UBE2Q2: variants seen among roughly 807,000 people sequenced by gnomAD.
The protein encoded by UBE2Q2 is ubiquitin conjugating enzyme E2 Q2.
Under a neutral mutation model 59.9 loss-of-function variants are expected in UBE2Q2, and 54 were observed. That is an observed-to-expected ratio of 0.90 (90% CI 0.72 to 1.13). The LOEUF (loss-of-function observed/expected upper bound fraction) is 1.13. UBE2Q2 is among the 50% of genes most tolerant of loss of function. UBE2Q2 has a pLI of 0.00. For missense variants in UBE2Q2, 433 were observed against 441.9 expected (o/e 0.98, Z 0.18); for synonymous variants, 165 against 155.2 (o/e 1.06, Z -0.47).
At chr15:75,861,325 G>C (rs1897199384) in intron 3 of UBE2Q2, among the ~76,000 whole-genome samples, 2 of 152,190 alleles carry the variant, frequency 1.3e-5, no homozygotes. Context: ...ACCAGTCGTG[G>C]TGGTGAAGCC....
In UBE2Q2 at chr15:75,883,281, T is replaced by G. The variant is rs1032583531; in HGVS notation, c.826-85T>G. On this transcript the variant is annotated intron_variant, in intron 8 of 12. Transcript: ENST00000267938. Reference sequence around the variant, plus strand: ...TATCTGATAATAAATGTACACATTCTTTATAGTATCTTTTAAAATCTTCTA... The same window carrying G: ...TATCTGATAATAAATGTACACATTCGTTATAGTATCTTTTAAAATCTTCTA... 4.0e-6 allele frequency: 5 copies of G among 1,262,380 alleles called. No individual in the cohort carries two copies. The African/African-American group carries it at 7.6e-5, about 19-fold the overall frequency. 78.2% of individuals were successfully genotyped at this position (1,262,380 alleles called of 1,614,324 possible). A position where few individuals can be genotyped will look rare whatever the true frequency, so the allele number is the denominator to read the frequency against.
intron 9 of UBE2Q2, among the ~76,000 whole-genome samples, chr15:75,886,834 G>T (rs376318809): frequency 6.6e-6 from 1 of 151,808 alleles, no homozygotes; most frequent in African/African-American, 2.4e-5. Context: ...TTGCAGTCCA[G>T]CCTGGGCAAT....
chr15:75,859,080 T>C (rs1193207530), intron 2 of UBE2Q2, among the ~76,000 whole-genome samples: 1 of 152,246 alleles, frequency 6.6e-6, no homozygotes, highest in Non-Finnish European at 1.5e-5. Flanking sequence ...AGTCACGTTA[T>C]ACATTGAAAA....
intron 8 of UBE2Q2, among the ~76,000 whole-genome samples, chr15:75,880,483 G>A (rs1365922922): frequency 1.4e-5 from 2 of 145,002 alleles, no homozygotes. Flanking sequence ...AAATGTTAAT[G>A]ATTTTTTTTT....
At chr15:75,864,662 A>G (rs1897366781) in intron 3 of UBE2Q2, among the ~76,000 whole-genome samples, 1 of 150,262 alleles carries the variant, frequency 6.7e-6, no homozygotes. Context: ...GTTGCATCAT[A>G]TTCACATGTG....
At chr15:75,850,726 G>A (rs1455819509) in intron 1 of UBE2Q2, among the ~76,000 whole-genome samples, 1 of 152,188 alleles carries the variant, frequency 6.6e-6, no homozygotes, top group Admixed American at 6.5e-5. Context: ...AAGGAAAGTG[G>A]AGGGGAAGGC....
At chr15:75,873,393 G>A in intron 4 of UBE2Q2, 35 bp from the exon 5 acceptor site, 4 of 1,554,346 alleles carry the variant, frequency 2.6e-6, no homozygotes, top group Non-Finnish European at 3.5e-6. Flanking sequence ...AAGAAAAATA[G>A]GTTGAATAAG....
At chr15:75,872,502 TA>T (rs1035686957) in intron 4 of UBE2Q2, among the ~76,000 whole-genome samples, 23 of 151,476 alleles carry the variant, frequency 1.5e-4, no homozygotes, top group African/African-American at 5.1e-4. Context: ...GATATTGGTC[TA>T]GGGGTATTCA....
chr15:75,881,235 CTTTTTTTTT>C (rs111487358), intron 8 of UBE2Q2, among the ~76,000 whole-genome samples: 2 of 146,622 alleles, frequency 1.4e-5, no homozygotes, highest in East Asian at 2.0e-4. Context: ...GAAATAGAAC[CTTTTTTTTT>C]TTTATCCGTC....
chr15:75,891,728 T>C (rs1899119650), intron 11 of UBE2Q2, among the ~76,000 whole-genome samples: 1 of 152,196 alleles, frequency 6.6e-6, no homozygotes, highest in Non-Finnish European at 1.5e-5. Context: ...GCTGGTTTTC[T>C]TTTCAGTTAA....
At chr15:75,874,096 C>A (rs1897942458) in intron 5 of UBE2Q2, among the ~76,000 whole-genome samples, 1 of 152,112 alleles carries the variant, frequency 6.6e-6, no homozygotes, top group African/African-American at 2.4e-5. Flanking sequence ...ACCTGCTGAT[C>A]CCTGTATTTG....
At chr15:75,857,325 T>G (rs1483373957) in intron 2 of UBE2Q2, among the ~76,000 whole-genome samples, 2 of 152,226 alleles carry the variant, frequency 1.3e-5, no homozygotes, top group African/African-American at 4.8e-5. Flanking sequence ...AAAAATGAGT[T>G]ATTTTTCAGT....
Position 75,890,455 on chromosome 15 carries a change from C to T in UBE2Q2, c.905C>T (p.Ala302Val). Residue 302 changes from alanine (A) to valine (V), a missense_variant, in exon 10 of 13, where the codon GCA (alanine) becomes GTA (valine). Ala to Val is a moderately conservative substitution (Grantham distance 64). Coordinates refer to ENST00000267938, the MANE Select transcript of UBE2Q2 (RefSeq NM_173469.4). ...LSGGYVLGGG[A>V]LCMELLTKQG... ...TTAAGGTATGTATTGGGTGGAGGAGCATTATGTATGGAACTTCTCACAAAA... is the reference window on the plus strand; with the variant it reads ...TTAAGGTATGTATTGGGTGGAGGAGTATTATGTATGGAACTTCTCACAAAA... 1 of 1,606,796 alleles carries T rather than the reference C, an allele frequency of 6.2e-7. No individual in the cohort carries two copies. Among genetic ancestry groups the T allele is most frequent in the Non-Finnish European group, 8.5e-7 (1 of 1,178,426 alleles).
chr15:75,864,714 T>C (rs1364359475), intron 3 of UBE2Q2, among the ~76,000 whole-genome samples: 1 of 152,214 alleles, frequency 6.6e-6, no homozygotes, highest in African/African-American at 2.4e-5. Flanking sequence ...TTTATCTTGA[T>C]TACTTATCAG....
chr15:75,843,968 C>G, intron 1 of UBE2Q2, 122 bp downstream of exon 1: 1 of 1,405,974 alleles, frequency 7.1e-7, no homozygotes, highest in Non-Finnish European at 9.2e-7. Context: ...GGCAGGCCCG[C>G]CCCTTTCCCC....
intron 3 of UBE2Q2, among the ~76,000 whole-genome samples, chr15:75,867,023 C>A (rs1294544599): frequency 6.6e-6 from 1 of 152,152 alleles, no homozygotes; most frequent in East Asian, 1.9e-4. Flanking sequence ...TACCCTTGAT[C>A]AGTATCCATT....
rs147783876 is a variant in UBE2Q2, at chr15:75,894,241, C to G, written c.1030-2754C>G. Among the ~76,000 whole-genome samples, 1,233 of 152,184 alleles carry G rather than the reference C, an allele frequency of 8.1e-3. 7 individuals are homozygous for G. The highest frequency in any genetic ancestry group is 0.031 in the Middle Eastern group (9 of 294). ...CATTAAGAAAAGAATGAAAATGAAT[C>G]AAGCCTCTGATTGTTAGAAAGGACA... On this transcript the variant is annotated intron_variant, in intron 11 of 12. Transcript: ENST00000267938.
Position 75,900,961 on chromosome 15 carries a change from A to G in UBE2Q2, c.*1503A>G, listed in dbSNP as rs1048858008. On this transcript the variant is annotated 3_prime_UTR_variant, in exon 13 of 13. Coordinates refer to ENST00000267938, the MANE Select transcript of UBE2Q2 (RefSeq NM_173469.4). ...TGGCATGCTTTGTTTAATGGATTTT[A>G]TTTTTAATTGCAGATTTATTTGGCA... 6.6e-6 allele frequency: 1 copy of G among 152,636 alleles called. No individual in the cohort carries two copies. The highest frequency in any genetic ancestry group is 2.4e-5 in the African/African-American group (1 of 41,456). 9.5% of individuals were successfully genotyped at this position (152,636 alleles called of 1,614,324 possible). A position where few individuals can be genotyped will look rare whatever the true frequency, so the allele number is the denominator to read the frequency against.
At chr15:75,870,199 C>G (rs146204607) in intron 4 of UBE2Q2, among the ~76,000 whole-genome samples, 3 of 152,240 alleles carry the variant, frequency 2.0e-5, no homozygotes, top group Non-Finnish European at 2.9e-5. Flanking sequence ...TTCTGAGTAG[C>G]TGGGACTACA....
Sources: gnomAD v4.1 joint callset for allele counts (sites outside exome capture counted in the v4.1 genomes callset) on GRCh38, gnomAD v4.1.1 for gene constraint, MANE v1.5 for transcripts, NCBI Gene and HGNC (gene_info 2026-07-23, HGNC 2026-07-21) for gene names.